The following PTGER4 variants were observed in gnomAD, a reference collection of about 807,000 sequenced individuals.
PTGER4 encodes prostaglandin E2 receptor EP4 subtype.
Under a neutral mutation model 33.2 loss-of-function variants are expected in PTGER4, and 11 were observed. The observed-to-expected ratio is 0.33, with a 90% CI of 0.21 to 0.55. PTGER4 has a LOEUF of 0.55. Among genes scored for constraint, PTGER4 ranks in the 20% least tolerant of loss-of-function variants. The pLI is 0.92. For synonymous variants in PTGER4, 275 were observed against 281.5 expected (o/e 0.98, Z 0.23); for missense variants, 481 against 650.2 (o/e 0.74, Z 2.83).
At chr5:40,716,157 G>A in the PTGER4 span, 2 of 1,602,872 alleles carry the variant, frequency 1.2e-6, no homozygotes, top group African/African-American at 1.3e-5. Flanking sequence ...ATCGGGCTTT[G>A]ATAAAAACAG....
chr5:40,694,668 T>G (rs529348323), downstream of PTGER4, among the ~76,000 whole-genome samples: 10 of 152,018 alleles, frequency 6.6e-5, no homozygotes, highest in Admixed American at 2.0e-4. Flanking sequence ...GCCCCACCCT[T>G]ATGACTTCAT....
downstream of PTGER4, among the ~76,000 whole-genome samples, chr5:40,697,321 C>T (rs928117789): frequency 2.6e-5 from 4 of 151,456 alleles, no homozygotes; most frequent in African/African-American, 7.3e-5. Flanking sequence ...CACAGTGGCT[C>T]ACGCCTGTAA....
the PTGER4 span, among the ~76,000 whole-genome samples, chr5:40,705,608 G>C: frequency 1.3e-5 from 2 of 152,112 alleles, no homozygotes; most frequent in African/African-American, 4.8e-5. Context: ...GCATCTATAA[G>C]GAACTTAAAC....
At chr5:40,706,588 A>C in the PTGER4 span, among the ~76,000 whole-genome samples, 1 of 128,438 alleles carries the variant, frequency 7.8e-6, no homozygotes, top group Non-Finnish European at 1.7e-5. Flanking sequence ...AGGCCTAATC[A>C]TAAAAGTTAA....
Position 40,681,963 on chromosome 5 carries a change from G to T in PTGER4, c.867+103G>T. 7.3e-7 allele frequency: 1 copy of T among 1,367,040 alleles called. No homozygotes were observed. The highest frequency in any genetic ancestry group is 9.7e-7 in the Non-Finnish European group (1 of 1,035,746). The allele number at this position is 1,367,040 out of a possible 1,614,324, so 84.7% of individuals were successfully genotyped here. Reference sequence around the variant, plus strand: ...TCCCTCTGAGTCCTTGGCAGTGAACGTGTCGCCTTTAGGTCGGGGCTGGGA... The same window carrying T: ...TCCCTCTGAGTCCTTGGCAGTGAACTTGTCGCCTTTAGGTCGGGGCTGGGA... On this transcript the variant is annotated intron_variant, in intron 2 of 2. Transcript: ENST00000302472. This position sits in a 1 kb window ranked among gnomAD's most constrained non-coding sequence, Gnocchi z 9.8.
the PTGER4 span, chr5:40,716,641 G>T: frequency 1.7e-6 from 1 of 602,146 alleles, no homozygotes; most frequent in African/African-American, 1.9e-5. Context: ...AAAGATGGAA[G>T]CTACGGTGTT....
downstream of PTGER4, among the ~76,000 whole-genome samples, chr5:40,697,232 AAGAAAG>A (rs1482065983): frequency 3.1e-4 from 14 of 44,998 alleles, no homozygotes; most frequent in Non-Finnish European, 6.8e-4. Context: ...GAAGAAAAGA[AAGAAAG>A]AAAGAAAGAA....
the PTGER4 span, among the ~76,000 whole-genome samples, chr5:40,746,470 G>T: frequency 6.6e-6 from 1 of 152,022 alleles, no homozygotes. Flanking sequence ...AGTTTCCAGT[G>T]ATAAGACCAC....
the PTGER4 span, among the ~76,000 whole-genome samples, chr5:40,725,613 AAAGCC>A: frequency 6.6e-6 from 1 of 152,166 alleles, no homozygotes; most frequent in Non-Finnish European, 1.5e-5. Flanking sequence ...AGAACCCTGG[AAAGCC>A]AACAGAAGAA....
chr5:40,707,073 A>T, the PTGER4 span, among the ~76,000 whole-genome samples: 1 of 152,200 alleles, frequency 6.6e-6, no homozygotes, highest in African/African-American at 2.4e-5. Context: ...CACTGCAAAA[A>T]CATGCCAAAT....
In PTGER4 at chr5:40,681,930, C is replaced by G; in HGVS notation, c.867+70C>G. On this transcript the variant is annotated intron_variant, in intron 2 of 2. Coordinates refer to ENST00000302472, the MANE Select transcript of PTGER4 (RefSeq NM_000958.3). The surrounding 1 kb of genome is among the most constrained non-coding windows in gnomAD (Gnocchi z 9.8). ...CCACCTCCCGCGTCCATTCCCCGCTCCCTGCTTTCCCTCTGAGTCCTTGGC... is the reference window on the plus strand; with the variant it reads ...CCACCTCCCGCGTCCATTCCCCGCTGCCTGCTTTCCCTCTGAGTCCTTGGC... The G allele has an allele frequency of 6.9e-7, 1 of 1,450,398 alleles. No individual in the cohort carries two copies. The allele number at this position is 1,450,398 out of a possible 1,614,324, so 89.8% of individuals were successfully genotyped here. A position where few individuals can be genotyped will look rare whatever the true frequency, so the allele number is the denominator to read the frequency against.
At chr5:40,726,213 T>TA in the PTGER4 span, among the ~76,000 whole-genome samples, 196 of 131,922 alleles carry the variant, frequency 1.5e-3, 1 homozygote, top group African/African-American at 5.8e-3. Context: ...ACATACATAT[T>TA]TTATATATAT....
the PTGER4 span, among the ~76,000 whole-genome samples, chr5:40,734,598 T>C: frequency 1.4e-4 from 22 of 152,310 alleles, no homozygotes; most frequent in South Asian, 2.7e-3. Context: ...ATTTACCAAA[T>C]AGAAATGTCA....
chr5:40,681,435 G>A lies in PTGER4; in HGVS notation c.442G>A (p.Val148Met), dbSNP rs1741185566. Residue 148 changes from valine to methionine, a missense_variant, in exon 2 of 3, where the codon GTG (valine) becomes ATG (methionine). This residue lies in a region of PTGER4 where 43 missense variants were observed against 39.4 expected (regional missense o/e 1.09). Coordinates refer to ENST00000302472, the MANE Select transcript of PTGER4 (RefSeq NM_000958.3). This position sits in a 1 kb window ranked among gnomAD's most constrained non-coding sequence, Gnocchi z 9.8. ...GCTCTTTGCAGTCTATGCGTCCAACGTGCTCTTTTGCGCGCTGCCCAACAT... is the reference window on the plus strand; with the variant it reads ...GCTCTTTGCAGTCTATGCGTCCAACATGCTCTTTTGCGCGCTGCCCAACAT... ...LTLFAVYASN[V>M]LFCALPNMGL... 1 of 1,613,728 alleles carries A rather than the reference G, an allele frequency of 6.2e-7. No homozygotes were observed. The highest frequency in any genetic ancestry group is 8.5e-7 in the Non-Finnish European group (1 of 1,180,028).
At position 40,692,034 on chromosome 5, in the gene PTGER4, G is replaced by A; in HGVS notation, c.1123G>A (p.Gly375Ser). The A allele has an allele frequency of 6.2e-7, 1 of 1,614,174 alleles. No homozygotes were observed. Among genetic ancestry groups the A allele is most frequent in the Non-Finnish European group, 8.5e-7 (1 of 1,180,030 alleles). Residue 375 changes from glycine to serine, a missense_variant, in exon 3 of 3, where the codon GGC (glycine) becomes AGC (serine). Coordinates refer to ENST00000302472, the MANE Select transcript of PTGER4 (RefSeq NM_000958.3). Reference protein sequence around the residue: ...DSQRTSSAMSGHSRSFISREL... With the variant: ...DSQRTSSAMSSHSRSFISREL... ...TCAAAGGACATCTTCTGCCATGTCA[G>A]GCCACTCTCGCTCCTTCATCTCCCG...
the PTGER4 span, chr5:40,730,241 G>T: frequency 3.2e-6 from 5 of 1,575,508 alleles, no homozygotes; most frequent in Middle Eastern, 1.7e-4. Context: ...TAAGGAAAGT[G>T]AAATTCTTCA....
At chr5:40,731,413 G>C in the PTGER4 span, among the ~76,000 whole-genome samples, 1 of 152,106 alleles carries the variant, frequency 6.6e-6, no homozygotes, top group East Asian at 1.9e-4. Context: ...CTGCAATAAA[G>C]AACTGCCCAA....
At chr5:40,694,566 T>TAAACAACAGACATTTATTTTCTCA (rs1741546534), downstream of PTGER4, among the ~76,000 whole-genome samples, 2 of 152,136 alleles carry the variant, frequency 1.3e-5, no homozygotes, top group African/African-American at 4.8e-5. Flanking sequence ...ATGGCTCCCT[T>TAAACAACAGACATTTATTTTCTCA]CTTTCTGTGT....
Position 40,680,803 on chromosome 5 carries a change from C to G in PTGER4, c.-43-148C>G. On this transcript the variant is annotated intron_variant, in intron 1 of 2. Coordinates refer to ENST00000302472, the MANE Select transcript of PTGER4 (RefSeq NM_000958.3). This position sits in a 1 kb window ranked among gnomAD's most constrained non-coding sequence, Gnocchi z 5.5. The stretch of plus-strand genomic sequence containing the variant: ...TCGCGAGCCTGGAGATTTTGGTGGC[C>G]GCAGTTGGTAAGTGGCTACAATCCA... 1 of 691,342 alleles carries G rather than the reference C, an allele frequency of 1.4e-6. No individual in the cohort carries two copies. Among genetic ancestry groups the G allele is most frequent in the Non-Finnish European group, 2.4e-6 (1 of 416,062 alleles). 42.8% of individuals were successfully genotyped at this position (691,342 alleles called of 1,614,324 possible). A position where few individuals can be genotyped will look rare whatever the true frequency, so the allele number is the denominator to read the frequency against.
Sources: gnomAD v4.1 joint callset for allele counts (sites outside exome capture counted in the v4.1 genomes callset) on GRCh38, gnomAD v4.1.1 for gene constraint, gnomAD v4.1.1 regional missense constraint, Gnocchi (gnomAD v3.1) non-coding constraint, MANE v1.5 for transcripts, NCBI Gene and HGNC (gene_info 2026-07-23, HGNC 2026-07-21) for gene names.